The following RAD51B variants were observed in gnomAD, a reference collection of about 807,000 sequenced individuals.
RAD51B encodes DNA repair protein RAD51 homolog 2.
A neutral mutation model predicts 42.2 loss-of-function variants in RAD51B; 38 were observed. The ratio of observed to expected loss-of-function variants is 0.90; its 90% CI spans 0.70 to 1.18. The LOEUF is 1.18. Ranked by LOEUF, RAD51B falls within the 50% of genes most tolerant of loss-of-function variation. The pLI, the probability that RAD51B is intolerant of heterozygous loss-of-function variation, is 0.00. For synonymous variants in RAD51B, 154 were observed against 145.2 expected (o/e 1.06, Z -0.43); for missense variants, 373 against 400.7 (o/e 0.93, Z 0.59).
intron 8 of RAD51B, among the ~76,000 whole-genome samples, chr14:68,374,604 TCC>T (rs1324860122): frequency 2.8e-4 from 43 of 152,078 alleles, no homozygotes; most frequent in African/African-American, 1.0e-3. Flanking sequence ...AACCCTGTGG[TCC>T]TGGTGGGGTT....
At chr14:68,290,314 A>C (rs1244326027) in intron 7 of RAD51B, among the ~76,000 whole-genome samples, 1 of 152,204 alleles carries the variant, frequency 6.6e-6, no homozygotes, top group Non-Finnish European at 1.5e-5. Flanking sequence ...AGATGCTCAT[A>C]GTTTCTTCCC....
chr14:68,624,544 T>A (rs1436333665), intron 10 of RAD51B, among the ~76,000 whole-genome samples: 1 of 152,136 alleles, frequency 6.6e-6, no homozygotes, highest in East Asian at 1.9e-4. Context: ...CGCAGTTCCC[T>A]ACCCTCATAA....
chr14:68,504,195 A>G (rs1885120036), intron 10 of RAD51B, among the ~76,000 whole-genome samples: 1 of 152,160 alleles, frequency 6.6e-6, no homozygotes, highest in South Asian at 2.1e-4. Flanking sequence ...TCTCCAGGCC[A>G]GCATCCCATG....
intron 7 of RAD51B, among the ~76,000 whole-genome samples, chr14:68,115,521 T>A (rs1487586034): frequency 7.7e-6 from 1 of 130,338 alleles, no homozygotes; most frequent in African/African-American, 3.2e-5. Flanking sequence ...AATGTGCACA[T>A]GTACCCTAAA....
intron 7 of RAD51B, among the ~76,000 whole-genome samples, chr14:68,284,643 G>T (rs1471000555): frequency 6.6e-6 from 1 of 152,168 alleles, no homozygotes; most frequent in Non-Finnish European, 1.5e-5. Flanking sequence ...CAATTGTTGT[G>T]CAGTCCTTCA....
intron 7 of RAD51B, among the ~76,000 whole-genome samples, chr14:68,286,592 C>G (rs920786377): frequency 6.6e-6 from 1 of 152,210 alleles, no homozygotes; most frequent in African/African-American, 2.4e-5. Flanking sequence ...TTCTCTTCAC[C>G]TGTACATTCT....
At chr14:68,621,610 T>TA (rs1387409519) in intron 10 of RAD51B, among the ~76,000 whole-genome samples, 1 of 152,192 alleles carries the variant, frequency 6.6e-6, no homozygotes, top group African/African-American at 2.4e-5. Context: ...GACTTCTCCT[T>TA]ACTGGCCCCC....
intron 7 of RAD51B, among the ~76,000 whole-genome samples, chr14:68,136,039 G>A (rs180936006): frequency 3.4e-4 from 52 of 152,206 alleles, no homozygotes; most frequent in Admixed American, 2.9e-3. Context: ...TTAGTTTTAA[G>A]GTATAAATGA....
intron 7 of RAD51B, among the ~76,000 whole-genome samples, chr14:67,903,104 CA>C: frequency 6.6e-6 from 1 of 152,186 alleles, no homozygotes; most frequent in Middle Eastern, 3.4e-3. Context: ...ATGATCTGCC[CA>C]CCTCTGCCTC....
chr14:67,859,181 C>T (rs2139970915), intron 4 of RAD51B, among the ~76,000 whole-genome samples: 1 of 152,258 alleles, frequency 6.6e-6, no homozygotes, highest in Non-Finnish European at 1.5e-5. Context: ...ACAGAGGCCC[C>T]TTGCTTGTTA....
intron 9 of RAD51B, among the ~76,000 whole-genome samples, chr14:68,461,998 C>A (rs1009690022): frequency 1.3e-5 from 2 of 152,134 alleles, no homozygotes; most frequent in Admixed American, 6.5e-5. Context: ...TTCTAGGAGC[C>A]CTCAGCTGAA....
At chr14:67,842,397 G>T (rs1000603723) in intron 4 of RAD51B, among the ~76,000 whole-genome samples, 18 of 152,020 alleles carry the variant, frequency 1.2e-4, no homozygotes, top group South Asian at 8.3e-4. Context: ...TTCCCTTTTT[G>T]AGATGGAGTC....
At position 67,825,592 on chromosome 14, in the gene RAD51B, T is replaced by G. The variant is rs765668928; in HGVS notation, c.198+15T>G. On this transcript the variant is annotated intron_variant, in intron 3 of 10. Coordinates refer to ENST00000471583, the MANE Select transcript of RAD51B (RefSeq NM_133510.4). Reference sequence around the variant, plus strand: ...AGATGCAAACGGTATATTTATATTTTATTATGATTTGATTATGAATGATTC... The same window carrying G: ...AGATGCAAACGGTATATTTATATTTGATTATGATTTGATTATGAATGATTC... 28 of 1,540,996 alleles carry G rather than the reference T, an allele frequency of 1.8e-5. No individual in the cohort carries two copies. In the Admixed American group the frequency reaches 5.3e-4, roughly 29 times the overall value.
In RAD51B at chr14:67,819,819, G is replaced by A. The variant is rs2040562296; in HGVS notation, c.-37G>A. 6.6e-6 allele frequency: 1 copy of A among 152,178 alleles called. No individual in the cohort carries two copies. Among genetic ancestry groups the A allele is most frequent in the African/African-American group, 2.4e-5 (1 of 41,414 alleles). The allele number at this position is 152,178 out of a possible 1,614,324, so 9.4% of individuals were successfully genotyped here. ...TTTCCGCGGGGAAACTGTGTAAAGGGTGGGGAAACTTGAAAGTTGGATGCT... is the reference window on the plus strand; with the variant it reads ...TTTCCGCGGGGAAACTGTGTAAAGGATGGGGAAACTTGAAAGTTGGATGCT... On this transcript the variant is annotated 5_prime_UTR_variant, in exon 1 of 11. The change creates a new upstream start codon in the 5' untranslated region. Transcript: ENST00000471583.
chr14:68,377,917 A>C (rs2083403789), intron 8 of RAD51B, among the ~76,000 whole-genome samples: 4 of 152,330 alleles, frequency 2.6e-5, no homozygotes, highest in African/African-American at 9.6e-5. Flanking sequence ...CTTTTTATGA[A>C]GTTTTTTTTT....
At chr14:68,063,336 A>C (rs533439458) in intron 7 of RAD51B, among the ~76,000 whole-genome samples, 1 of 152,104 alleles carries the variant, frequency 6.6e-6, no homozygotes, top group South Asian at 2.1e-4. Context: ...GGCCCACTGG[A>C]AGGTGATTGG....
At chr14:68,573,866 C>G (rs1277831327) in intron 10 of RAD51B, among the ~76,000 whole-genome samples, 1 of 152,200 alleles carries the variant, frequency 6.6e-6, no homozygotes, top group Non-Finnish European at 1.5e-5. Flanking sequence ...TCAGTTCCCT[C>G]TACAGAGCCC....
At chr14:68,471,693 C>A (rs1382326198) in intron 10 of RAD51B, among the ~76,000 whole-genome samples, 86 of 130,550 alleles carry the variant, frequency 6.6e-4, no homozygotes, top group Middle Eastern at 4.1e-3. Context: ...TCTCCTTTTG[C>A]AAAAAAAAAA....
rs535029996 is a variant in RAD51B, at chr14:68,373,361, G to A, written c.854-38063G>A. Among the ~76,000 whole-genome samples, 266 of 152,280 alleles carry A rather than the reference G, an allele frequency of 1.7e-3. 3 individuals are homozygous for A. Among genetic ancestry groups the A allele is most frequent in the Non-Finnish European group, 3.2e-3 (221 of 68,020 alleles). On this transcript the variant is annotated intron_variant, in intron 8 of 10. Transcript: ENST00000471583. ...CATATCTAGGAAGTGGGAGAGTCAA[G>A]ATTCTAAGTTTAATGCCCATCAATG...
Sources: gnomAD v4.1 joint callset for allele counts (sites outside exome capture counted in the v4.1 genomes callset) on GRCh38, gnomAD v4.1.1 for gene constraint, MANE v1.5 for transcripts, NCBI Gene and HGNC (gene_info 2026-07-23, HGNC 2026-07-21) for gene names.